MCFD2: variants seen among roughly 807,000 people sequenced by gnomAD.
MCFD2 encodes the protein multiple coagulation factor deficiency protein 2.
In MCFD2, 11 loss-of-function variants were observed where a neutral mutation model predicts 12.8. That is an observed-to-expected ratio of 0.86 (90% confidence interval 0.54 to 1.42). The LOEUF (loss-of-function observed/expected upper bound fraction) is 1.42, where lower values mean the gene tolerates loss of function less well. Among genes scored for constraint, MCFD2 ranks in the 40% most tolerant of loss-of-function variants. The probability of loss-of-function intolerance (pLI) is 0.00; values close to 1 mark genes in which losing one functional copy is unlikely to be tolerated. For synonymous variants in MCFD2, 70 were observed against 68.1 expected, an observed-to-expected ratio of 1.03 and a Z score of -0.14; for missense variants, 191 against 178.6, an observed-to-expected ratio of 1.07 and a Z score of -0.40.
At chr2:46,932,945 C>G (rs374019103) in intron 1 of MCFD2, among the ~76,000 whole-genome samples, 1 of 151,276 alleles carries the variant, frequency 6.6e-6, no homozygotes, top group Admixed American at 6.6e-5. Context: ...TATTTTAAGG[C>G]TCAAAACTGC....
chr2:46,905,322 C>T lies in MCFD2; in HGVS notation c.*141G>A, dbSNP rs910828410. 1.6e-5 allele frequency: 14 copies of T among 858,376 alleles called. No individual in the cohort carries two copies. In the African/African-American group the frequency reaches 2.0e-4, roughly 12 times the overall value. 53.2% of individuals were successfully genotyped at this position (858,376 alleles called of 1,614,324 possible). The stretch of plus-strand genomic sequence containing the variant: ...CTTTCATTTCTCTTATCTCTTCTCA[C>T]CCCAGTGTAACGAATCGCTACAGGT... On this transcript the variant is annotated 3_prime_UTR_variant, in exon 4 of 4. Coordinates refer to ENST00000319466, the MANE Select transcript of MCFD2 (RefSeq NM_139279.6).
chr2:46,905,202 A>G lies in MCFD2; in HGVS notation c.*261T>C. 2.1e-6 allele frequency: 1 copy of G among 475,400 alleles called. No homozygotes were observed. Among genetic ancestry groups the G allele is most frequent in the East Asian group, 4.4e-5 (1 of 22,876 alleles). 29.4% of individuals were successfully genotyped at this position (475,400 alleles called of 1,614,324 possible). A position where few individuals can be genotyped will look rare whatever the true frequency, so the allele number is the denominator to read the frequency against. ...TCTCGGGTACGTCTTTATCAGCAGCATTAATACAGACTAATACAGATGCTT... is the reference window on the plus strand; with the variant it reads ...TCTCGGGTACGTCTTTATCAGCAGCGTTAATACAGACTAATACAGATGCTT... On this transcript the variant is annotated 3_prime_UTR_variant, in exon 4 of 4. Coordinates refer to ENST00000319466, the MANE Select transcript of MCFD2 (RefSeq NM_139279.6).
intron 1 of MCFD2, among the ~76,000 whole-genome samples, chr2:46,924,203 C>G (rs1462455791): frequency 7.3e-6 from 1 of 137,796 alleles, no homozygotes; most frequent in African/African-American, 2.8e-5. Flanking sequence ...GATCCTGTCT[C>G]TTTAAAAAAA....
rs1277061485 is a variant in MCFD2, at chr2:46,936,607, A to G, written c.-8+4965T>C. On this transcript the variant is annotated intron_variant, in intron 1 of 2. Coordinates refer to the MCFD2 transcript ENST00000409147. The stretch of plus-strand genomic sequence containing the variant: ...GTTCTGTCTTAATATCAACCTGTCT[A>G]TGGCTTCCTCGGGCCAGACTTCTGC... 5.9e-5 allele frequency among the ~76,000 whole-genome samples: 9 copies of G among 152,218 alleles called. No homozygotes were observed. The South Asian group carries it at 1.2e-3, about 21-fold the overall frequency.
At chr2:46,909,979 A>T (rs1167773866) in intron 1 of MCFD2, among the ~76,000 whole-genome samples, 2 of 152,222 alleles carry the variant, frequency 1.3e-5, no homozygotes, top group East Asian at 3.8e-4. Context: ...AGGCAGGAGC[A>T]TGGTAGCCAA....
rs1668221749 is a variant in MCFD2 at position 46,906,110 on chromosome 2, A to G, written c.310-516T>C. On this transcript the variant is annotated intron_variant, in intron 3 of 3. Coordinates refer to ENST00000319466, the MANE Select transcript of MCFD2 (RefSeq NM_139279.6). ...AAAGTATTTCCCATGCTCCAAGAGC[A>G]GGGTTAGTGGGCTGAGGCTGTTCAC... is the stretch of plus-strand genomic sequence containing the variant. 2.1e-5 allele frequency: 9 copies of G among 431,072 alleles called. No homozygotes were observed. In the Admixed American group the frequency reaches 2.4e-4, roughly 11 times the overall value. The allele number at this position is 431,072 out of a possible 1,614,324, so 26.7% of individuals were successfully genotyped here.
chr2:46,917,246 C>T (rs1223888610), upstream of MCFD2: 6 of 700,396 alleles, frequency 8.6e-6, no homozygotes, highest in Non-Finnish European at 1.6e-5. Context: ...CCTCCCACCA[C>T]CTCCGCCTCC....
chr2:46,925,690 A>G (rs1170420655), intron 1 of MCFD2, among the ~76,000 whole-genome samples: 1 of 152,146 alleles, frequency 6.6e-6, no homozygotes, highest in Admixed American at 6.5e-5. Context: ...CACCTCCCCC[A>G]AAAAAACCCA....
At chr2:46,923,279 T>A (rs575420563) in intron 1 of MCFD2, among the ~76,000 whole-genome samples, 35 of 152,294 alleles carry the variant, frequency 2.3e-4, no homozygotes, top group Non-Finnish European at 4.6e-4. Context: ...CCCTCTCTCC[T>A]CCCTGGAGGT....
Position 46,940,984 on chromosome 2 carries a change from G to GGCGCCCCCGGGCGCCGGGGCTCC in MCFD2, c.-8+565_-8+587dup, listed in dbSNP as rs1670282580. Among the ~76,000 whole-genome samples, 3 of 152,122 alleles carry GGCGCCCCCGGGCGCCGGGGCTCC rather than the reference G, an allele frequency of 2.0e-5. No homozygotes were observed. Among genetic ancestry groups the GGCGCCCCCGGGCGCCGGGGCTCC allele is most frequent in the Admixed American group, 2.0e-4 (3 of 15,282 alleles). On this transcript the variant is annotated intron_variant, in intron 1 of 2. Coordinates refer to the MCFD2 transcript ENST00000409147. The surrounding 1 kb of genome is among the most constrained non-coding windows in gnomAD (Gnocchi z 4.7). ...GGGATGGGGAGGGGGCGGGAAGCGA[G>GGCGCCCCCGGGCGCCGGGGCTCC]GCGCCCCCGGGCGCCGGGGCTCCGC...
chr2:46,924,301 G>A (rs1234568401), intron 1 of MCFD2, among the ~76,000 whole-genome samples: 2 of 150,934 alleles, frequency 1.3e-5, no homozygotes, highest in Admixed American at 6.6e-5. Flanking sequence ...GGAAGCCTTG[G>A]TATCAGCTCA....
rs1228851889 is a variant in MCFD2 at position 46,940,244 on chromosome 2, A to G, written c.-8+1328T>C. ...AGAGGGAGGACGTGGAGCACCTTCTAACTCTTAGGAGTCTGCTCAAAAGTT... is the reference window on the plus strand; with the variant it reads ...AGAGGGAGGACGTGGAGCACCTTCTGACTCTTAGGAGTCTGCTCAAAAGTT... On this transcript the variant is annotated intron_variant, in intron 1 of 2. Coordinates refer to the MCFD2 transcript ENST00000409147. This position sits in a 1 kb window ranked among gnomAD's most constrained non-coding sequence, Gnocchi z 4.7. Among the ~76,000 whole-genome samples, 1 of 152,134 alleles carries G rather than the reference A, an allele frequency of 6.6e-6. No homozygotes were observed. Among genetic ancestry groups the G allele is most frequent in the Non-Finnish European group, 1.5e-5 (1 of 67,994 alleles).
upstream of MCFD2, among the ~76,000 whole-genome samples, chr2:46,917,648 C>G (rs1270329052): frequency 6.6e-6 from 1 of 152,190 alleles, no homozygotes; most frequent in Non-Finnish European, 1.5e-5. Context: ...TCTCTTGAAT[C>G]TACAGTCACT....
chr2:46,914,494 T>C (rs1397427912), intron 1 of MCFD2, among the ~76,000 whole-genome samples: 1 of 152,078 alleles, frequency 6.6e-6, no homozygotes, highest in African/African-American at 2.4e-5. Context: ...GGACTGAGGG[T>C]TGAGAATTGG....
At chr2:46,925,975 G>T (rs1464565682) in intron 1 of MCFD2, among the ~76,000 whole-genome samples, 1 of 152,152 alleles carries the variant, frequency 6.6e-6, no homozygotes, top group East Asian at 1.9e-4. Context: ...GGTATAATGG[G>T]ATCAGACTTA....
Position 46,907,603 on chromosome 2 carries a change from G to T in MCFD2, c.309+207C>A, listed in dbSNP as rs1668298388. 1 of 606,920 alleles carries T rather than the reference G, an allele frequency of 1.6e-6. No homozygotes were observed. Among genetic ancestry groups the T allele is most frequent in the Non-Finnish European group, 3.0e-6 (1 of 338,722 alleles). The allele number at this position is 606,920 out of a possible 1,614,324, so 37.6% of individuals were successfully genotyped here. ...TGTAGAGACAGGGTCTCACTATATT[G>T]CCAAGGCTGGTCTTGAACTCCTGGC... On this transcript the variant is annotated intron_variant, in intron 3 of 3. Transcript: ENST00000319466. This position sits in a 1 kb window ranked among gnomAD's most constrained non-coding sequence, Gnocchi z 4.1.
rs1406514356 is a variant in MCFD2, at chr2:46,915,766, C to T, written c.-50G>A. On this transcript the variant is annotated 5_prime_UTR_variant, in exon 1 of 4. Coordinates refer to ENST00000319466, the MANE Select transcript of MCFD2 (RefSeq NM_139279.6). ...AGACGCGAAGCCCTCCAACGTGAGC[C>T]TCACCAGCCCCCGTCCCCAAAACGC... The T allele has an allele frequency of 4.1e-6, 4 of 978,668 alleles. No homozygotes were observed. Among genetic ancestry groups the T allele is most frequent in the East Asian group, 1.1e-4 (1 of 8,702 alleles). 60.6% of individuals were successfully genotyped at this position (978,668 alleles called of 1,614,324 possible). A position where few individuals can be genotyped will look rare whatever the true frequency, so the allele number is the denominator to read the frequency against.
intron 3 of MCFD2, 145 bp from the exon 4 acceptor site, chr2:46,905,739 C>T (rs1668198966): frequency 2.4e-6 from 2 of 847,134 alleles, no homozygotes; most frequent in South Asian, 1.6e-5. Context: ...AACAAAATAT[C>T]CACGCTCATA....
At chr2:46,913,348 G>C (rs541008028) in intron 1 of MCFD2, among the ~76,000 whole-genome samples, 79 of 152,226 alleles carry the variant, frequency 5.2e-4, no homozygotes, top group African/African-American at 1.8e-3. Flanking sequence ...AGGAGTTCAA[G>C]ACCAGCCTGG....
Sources: gnomAD v4.1 joint callset for allele counts (sites outside exome capture counted in the v4.1 genomes callset) on GRCh38, gnomAD v4.1.1 for gene constraint, Gnocchi (gnomAD v3.1) non-coding constraint, MANE v1.5 for transcripts, NCBI Gene and HGNC (gene_info 2026-07-23, HGNC 2026-07-21) for gene names.